ZNF844: variants seen among roughly 807,000 people sequenced by gnomAD.
ZNF844 encodes the protein zinc finger protein 844.
A neutral mutation model predicts 11.4 loss-of-function variants in ZNF844; 11 were observed. The ratio of observed to expected loss-of-function variants is 0.97; its 90% CI spans 0.61 to 1.60. ZNF844 has a LOEUF of 1.60. Ranked by LOEUF, ZNF844 falls within the 40% of genes most tolerant of loss-of-function variation. ZNF844 has a pLI of 0.00. For synonymous variants in ZNF844, 248 were observed against 260.3 expected (o/e 0.95, Z 0.46); for missense variants, 790 against 796.8 (o/e 0.99, Z 0.10).
At position 12,064,747 on chromosome 19, in the gene ZNF844, C is replaced by T; in HGVS notation, c.-127C>T. 4.0e-6 allele frequency: 4 copies of T among 1,006,544 alleles called. No homozygotes were observed. Among genetic ancestry groups the T allele is most frequent in the Non-Finnish European group, 4.3e-6 (3 of 690,304 alleles). 62.4% of individuals were successfully genotyped at this position (1,006,544 alleles called of 1,614,324 possible). ...GTTCGCCTCAGTCTTTGGCCCCTCC[C>T]GCCGGGTGAGGTTGGCACCCCGTTT... On this transcript the variant is annotated 5_prime_UTR_variant, in exon 1 of 4. Coordinates refer to ENST00000439326, the MANE Select transcript of ZNF844 (RefSeq NM_001136501.3).
intron 1 of ZNF844, among the ~76,000 whole-genome samples, chr19:12,068,831 A>G (rs1160254955): frequency 6.6e-6 from 1 of 152,134 alleles, no homozygotes; most frequent in Non-Finnish European, 1.5e-5. Context: ...AGATTCTTCA[A>G]ACACTGGGTA....
intron 1 of ZNF844, among the ~76,000 whole-genome samples, chr19:12,067,378 GGGTCGGGCAA>G (rs1568357314): frequency 6.6e-6 from 1 of 151,708 alleles, no homozygotes; most frequent in Non-Finnish European, 1.5e-5. Flanking sequence ...TTGGGAGGCC[GGGTCGGGCAA>G]TCACCTGAGA....
At chr19:12,065,272 T>C (rs1017190027) in intron 1 of ZNF844, among the ~76,000 whole-genome samples, 2 of 152,012 alleles carry the variant, frequency 1.3e-5, no homozygotes, top group Admixed American at 6.6e-5. Flanking sequence ...CCCTTTCTCC[T>C]GTTAAAACTT....
Position 12,075,589 on chromosome 19 carries a change from C to G in ZNF844, c.469C>G (p.Gln157Glu), listed in dbSNP as rs1975800047. ...KKAFRCHPSF[Q>E]MQEKAHTGEK... Reference sequence around the variant, plus strand: ...AGCCTTCAGATGTCACCCCTCCTTTCAAATGCAAGAAAAGGCTCACACTGG... The same window carrying G: ...AGCCTTCAGATGTCACCCCTCCTTTGAAATGCAAGAAAAGGCTCACACTGG... The change falls in exon 4 of 4, where the codon CAA becomes GAA. Residue 157 changes from glutamine to glutamate, a missense_variant. Physicochemically the swap from Gln to Glu is conservative, Grantham distance 29. This residue lies in a region of ZNF844 where 657 missense variants were observed against 636.2 expected (regional missense o/e 1.03). Transcript: ENST00000439326. 1.2e-6 allele frequency: 2 copies of G among 1,613,896 alleles called. No individual in the cohort carries two copies. The highest frequency in any genetic ancestry group is 1.1e-5 in the South Asian group (1 of 91,058).
In ZNF844 at chr19:12,075,715, T is replaced by C. The variant is rs767680532; in HGVS notation, c.595T>C (p.Cys199Arg). The change falls in exon 4 of 4, where the codon TGT (cysteine) becomes CGT (arginine). Residue 199 changes from cysteine (C) to arginine (R), a missense_variant. Cys to Arg is a radical substitution (Grantham distance 180). Transcript: ENST00000439326. ...IMHNGDGTYK[C>R]KFCGKACPCL... ...GCACAATGGAGATGGAACTTATAAA[T>C]GTAAGTTTTGTGGGAAAGCCTGCCC... 1.2e-6 allele frequency: 2 copies of C among 1,613,838 alleles called. No homozygotes were observed. Among genetic ancestry groups the C allele is most frequent in the African/African-American group, 2.7e-5 (2 of 74,920 alleles).
chr19:12,077,067 G>A lies in ZNF844; in HGVS notation c.1947G>A (p.Lys649=). ...ATATTAATGTAAGGATTGTGGGAAA[G>A]CATTCAGTTTGCCTGGTTCCTTTCG... The part of the protein sequence containing the change: ...RNHINVRIVG[K]HSVCLVPFVD... The change falls in exon 4 of 4, where the codon AAG becomes AAA. Residue 649 remains lysine, a synonymous_variant. Coordinates refer to ENST00000439326, the MANE Select transcript of ZNF844 (RefSeq NM_001136501.3). 1 of 1,597,044 alleles carries A rather than the reference G, an allele frequency of 6.3e-7. No individual in the cohort carries two copies. Among genetic ancestry groups the A allele is most frequent in the Non-Finnish European group, 8.5e-7 (1 of 1,171,110 alleles).
rs762300113 is a variant in ZNF844 at position 12,076,450 on chromosome 19, G to A, written c.1330G>A (p.Glu444Lys). Residue 444 changes from glutamate to lysine, a missense_variant, in exon 4 of 4, where the codon GAG (glutamate) becomes AAG (lysine). Transcript: ENST00000439326. ...CGATATCATGAAAGGACTCACACTG[G>A]AGAGAAACCGTATGAGTGTAAGCAA... ...PFDIMKGLTL[E>K]RNRMSVSNVG... The A allele has an allele frequency of 1.6e-5, 26 of 1,613,864 alleles. No individual in the cohort carries two copies. Among genetic ancestry groups the A allele is most frequent in the Non-Finnish European group, 2.1e-5 (25 of 1,179,990 alleles).
chr19:12,070,528 C>A (rs1383578237), intron 1 of ZNF844, among the ~76,000 whole-genome samples: 1 of 152,150 alleles, frequency 6.6e-6, no homozygotes, highest in Admixed American at 6.5e-5. Flanking sequence ...GGAGAGAAAT[C>A]TGACCTGGTG....
intron 3 of ZNF844, 92 bp from the exon 4 acceptor site, chr19:12,075,214 TAAAATA>T (rs1489420858): frequency 4.6e-6 from 4 of 872,886 alleles, no homozygotes. Context: ...AATAATAAAA[TAAAATA>T]AAATAAAATA....
At chr19:12,073,967 A>G in intron 1 of ZNF844, 64 bp from the exon 2 acceptor site, 1 of 1,541,054 alleles carries the variant, frequency 6.5e-7, no homozygotes. Context: ...TCTTAGGAAG[A>G]GGGTATAGAC....
intron 1 of ZNF844, among the ~76,000 whole-genome samples, chr19:12,070,806 A>C (rs1277129942): frequency 6.6e-6 from 1 of 152,208 alleles, no homozygotes; most frequent in East Asian, 1.9e-4. Flanking sequence ...ATTGAACTCA[A>C]CCTGAATGCA....
rs1174334859 is a variant in ZNF844 at position 12,078,119 on chromosome 19, G to C, written c.*998G>C. 1 of 152,804 alleles carries C rather than the reference G, an allele frequency of 6.5e-6. No individual in the cohort carries two copies. Among genetic ancestry groups the C allele is most frequent in the African/African-American group, 2.4e-5 (1 of 40,938 alleles). 9.5% of individuals were successfully genotyped at this position (152,804 alleles called of 1,614,324 possible). On this transcript the variant is annotated 3_prime_UTR_variant, in exon 4 of 4. Coordinates refer to ENST00000439326, the MANE Select transcript of ZNF844 (RefSeq NM_001136501.3). ...GCTGGGATTACAGGTATGAGCCACC[G>C]TGCCCGGCCGTTATTCTCTATTTTT...
Position 12,077,775 on chromosome 19 carries a change from A to G in ZNF844, c.*654A>G. 1 of 353,368 alleles carries G rather than the reference A, an allele frequency of 2.8e-6. No individual in the cohort carries two copies. The highest frequency in any genetic ancestry group is 5.6e-6 in the Non-Finnish European group (1 of 179,322). 21.9% of individuals were successfully genotyped at this position (353,368 alleles called of 1,614,324 possible). A position where few individuals can be genotyped will look rare whatever the true frequency, so the allele number is the denominator to read the frequency against. On this transcript the variant is annotated 3_prime_UTR_variant, in exon 4 of 4. Transcript: ENST00000439326. Reference sequence around the variant, plus strand: ...TGCTAAGAACCTTCAAATACAGACAATGAATGTAAACAATTAAATGTTTAT... The same window carrying G: ...TGCTAAGAACCTTCAAATACAGACAGTGAATGTAAACAATTAAATGTTTAT...
chr19:12,074,164 A>G lies in ZNF844; in HGVS notation c.130+7A>G, dbSNP rs1459647523. The G allele has an allele frequency of 6.2e-7, 1 of 1,613,366 alleles. No individual in the cohort carries two copies. The highest frequency in any genetic ancestry group is 8.5e-7 in the Non-Finnish European group (1 of 1,179,744). ...AGGAATCTGGCCTCCATAGGTAAGAATGACAGTATTACGTCCCCCAGTGAA... is the reference window on the plus strand; with the variant it reads ...AGGAATCTGGCCTCCATAGGTAAGAGTGACAGTATTACGTCCCCCAGTGAA... On this transcript the variant is annotated splice_region_variant and intron_variant, in intron 2 of 3. Coordinates refer to ENST00000439326, the MANE Select transcript of ZNF844 (RefSeq NM_001136501.3).
At position 12,076,361 on chromosome 19, in the gene ZNF844, C is replaced by T; in HGVS notation, c.1241C>T (p.Thr414Ile). ...CCTTTCACTATCATGAAAGGACTCA[C>T]ACTGGAGAGAAACCCTATGAATGTA... ...PVPFTIMKGL[T>I]LERNPMNVSS... Residue 414 changes from threonine (T) to isoleucine (I), a missense_variant, in exon 4 of 4, where the codon ACA becomes ATA. Coordinates refer to ENST00000439326, the MANE Select transcript of ZNF844 (RefSeq NM_001136501.3). The T allele has an allele frequency of 6.2e-7, 1 of 1,610,398 alleles. No homozygotes were observed. The highest frequency in any genetic ancestry group is 8.5e-7 in the Non-Finnish European group (1 of 1,177,078).
chr19:12,076,170 C>T lies in ZNF844; in HGVS notation c.1050C>T (p.Asn350=). 1.3e-6 allele frequency: 2 copies of T among 1,580,564 alleles called. No individual in the cohort carries two copies. Among genetic ancestry groups the T allele is most frequent in the Admixed American group, 1.8e-5 (1 of 54,078 alleles). ...GTGGGAAAGCATTATCTTATCTTAACTTTCAAAGACACATGAAAATGCACA... is the reference window on the plus strand; with the variant it reads ...GTGGGAAAGCATTATCTTATCTTAATTTTCAAAGACACATGAAAATGCACA... ...KQCGKALSYL[N]FQRHMKMHTR... The change falls in exon 4 of 4, where the codon AAC becomes AAT. Residue 350 remains asparagine, a synonymous_variant. Coordinates refer to ENST00000439326, the MANE Select transcript of ZNF844 (RefSeq NM_001136501.3).
chr19:12,076,694 TCA>T lies in ZNF844; in HGVS notation c.1578_1579del (p.Leu527GlyfsTer116), dbSNP rs1568361348. On this transcript the variant is annotated frameshift_variant, in exon 4 of 4. Coordinates refer to ENST00000439326, the MANE Select transcript of ZNF844 (RefSeq NM_001136501.3). LOFTEE classifies it low-confidence loss of function (END_TRUNC). ...CACACCTTCAAATGCATGAAAGGAC[TCA>T]CACTGGAAAGCAACTGTATGAATCT... 1.9e-6 allele frequency: 3 copies of T among 1,613,876 alleles called. No homozygotes were observed. Among genetic ancestry groups the T allele is most frequent in the Non-Finnish European group, 2.5e-6 (3 of 1,179,972 alleles).
chr19:12,076,212 T>C lies in ZNF844; in HGVS notation c.1092T>C (p.Tyr364=), dbSNP rs570993230. 6.3e-7 allele frequency: 1 copy of C among 1,596,784 alleles called. No individual in the cohort carries two copies. Among genetic ancestry groups the C allele is most frequent in the South Asian group, 1.1e-5 (1 of 89,550 alleles). ...AAATGCACACTAGAATGAGACCTTA[T>C]AAATGTAAGACTGTGGAAAAGCCTT... ...HMKMHTRMRP[Y]KCKTVEKPLI... Residue 364 remains tyrosine, a synonymous_variant, in exon 4 of 4, where the codon TAT becomes TAC. Coordinates refer to ENST00000439326, the MANE Select transcript of ZNF844 (RefSeq NM_001136501.3).
At chr19:12,065,764 G>A (rs1975681042) in intron 1 of ZNF844, among the ~76,000 whole-genome samples, 1 of 151,324 alleles carries the variant, frequency 6.6e-6, no homozygotes, top group Non-Finnish European at 1.5e-5. Flanking sequence ...AGCTTCCCTA[G>A]TAGCTGGGGT....
Sources: gnomAD v4.1 joint callset for allele counts (sites outside exome capture counted in the v4.1 genomes callset) on GRCh38, gnomAD v4.1.1 for gene constraint, gnomAD v4.1.1 regional missense constraint, MANE v1.5 for transcripts, NCBI Gene and HGNC (gene_info 2026-07-23, HGNC 2026-07-21) for gene names.